Variants in PLXDC2 observed in about 807,000 individuals in gnomAD.
PLXDC2 encodes plexin domain containing 2, also known as plexin domain-containing protein 2.
A neutral mutation model predicts 68.9 loss-of-function variants in PLXDC2; 40 were observed. The ratio of observed to expected loss-of-function variants is 0.58; its 90% CI spans 0.45 to 0.76. PLXDC2 has a LOEUF of 0.76. Among genes scored for constraint, PLXDC2 ranks in the 30% least tolerant of loss-of-function variants. The pLI, the probability that PLXDC2 is intolerant of heterozygous loss-of-function variation, is 0.00. For synonymous variants in PLXDC2, 243 were observed against 234.2 expected (o/e 1.04, Z -0.34); for missense variants, 644 against 661.9 (o/e 0.97, Z 0.30).
chr10:19,996,588 AAAAC>A (rs768126613), intron 1 of PLXDC2, among the ~76,000 whole-genome samples: 17 of 151,816 alleles, frequency 1.1e-4, no homozygotes, highest in Non-Finnish European at 2.1e-4. Context: ...CCCTGTCTCT[AAAAC>A]AAACAAATAA....
At position 19,821,906 on chromosome 10, in the gene PLXDC2, A is replaced by G. The variant is rs552329370; in HGVS notation, c.112+4715A>G. On this transcript the variant is annotated intron_variant, in intron 1 of 13. Transcript: ENST00000377252. ...CTTAATCTCATATCTTTTTTCTTTT[A>G]TACATTCCTTTAAAAAAAATTCTTT... 3.3e-5 allele frequency among the ~76,000 whole-genome samples: 5 copies of G among 152,190 alleles called. No individual in the cohort carries two copies. In the South Asian group the frequency reaches 1.0e-3, roughly 32 times the overall value.
chr10:20,185,179 A>C (rs1223109120), intron 9 of PLXDC2, among the ~76,000 whole-genome samples: 1 of 151,182 alleles, frequency 6.6e-6, no homozygotes, highest in African/African-American at 2.4e-5. Context: ...AAAAAAAAAA[A>C]AAAAAAAACT....
intron 13 of PLXDC2, among the ~76,000 whole-genome samples, chr10:20,264,350 T>A (rs1175781571): frequency 6.6e-6 from 1 of 152,044 alleles, no homozygotes; most frequent in Non-Finnish European, 1.5e-5. Flanking sequence ...GCAGAAGAGA[T>A]AACTATCAGG....
intron 13 of PLXDC2, among the ~76,000 whole-genome samples, chr10:20,257,817 A>C (rs1052194435): frequency 1.3e-5 from 2 of 151,916 alleles, no homozygotes; most frequent in Non-Finnish European, 2.9e-5. Flanking sequence ...TAATTTTTTT[A>C]ATTTTTAATT....
chr10:20,184,540 A>G, intron 9 of PLXDC2, among the ~76,000 whole-genome samples: 1 of 151,852 alleles, frequency 6.6e-6, no homozygotes, highest in Non-Finnish European at 1.5e-5. Context: ...AAATTAATTA[A>G]GGGTTAAAAT....
rs1837467381 is a variant in PLXDC2 at position 19,868,672 on chromosome 10, T to C, written c.112+51481T>C. ...GAGACCACTACTAGTGTATATTCTG[T>C]TGATTTATTTTCAAAAAATTTACCC... is the stretch of plus-strand genomic sequence containing the variant. On this transcript the variant is annotated intron_variant, in intron 1 of 13. Transcript: ENST00000377252. Among the ~76,000 whole-genome samples, 3 of 152,232 alleles carry C rather than the reference T, an allele frequency of 2.0e-5. No individual in the cohort carries two copies. The South Asian group carries it at 6.2e-4, about 31-fold the overall frequency.
intron 13 of PLXDC2, among the ~76,000 whole-genome samples, chr10:20,251,391 TTAAG>T (rs1233360676): frequency 6.6e-6 from 1 of 152,170 alleles, no homozygotes; most frequent in Non-Finnish European, 1.5e-5. Flanking sequence ...GAATACATAT[TTAAG>T]TAAGCATGAA....
chr10:20,144,747 A>C (rs1834050736), intron 5 of PLXDC2, among the ~76,000 whole-genome samples: 1 of 152,088 alleles, frequency 6.6e-6, no homozygotes, highest in African/African-American at 2.4e-5. Context: ...GGAAACAATA[A>C]ATGATTTAGT....
chr10:20,225,035 G>T lies in PLXDC2; in HGVS notation c.1312+5933G>T, dbSNP rs1160761905. On this transcript the variant is annotated intron_variant, in intron 12 of 13. Transcript: ENST00000377252. ...TAAGCAGTTTGAAGATCATGTTTAA[G>T]TTAATACAGAGGTACAAATCTGCAA... Among the ~76,000 whole-genome samples the T allele has an allele frequency of 2.0e-5, 3 of 152,242 alleles. No homozygotes were observed. In the East Asian group the frequency reaches 5.8e-4, roughly 29 times the overall value.
rs79938866 is a variant in PLXDC2 at position 20,089,728 on chromosome 10, G to T, written c.541+21489G>T. Among the ~76,000 whole-genome samples the T allele has an allele frequency of 3.7e-3, 564 of 152,244 alleles. 5 individuals carry two copies. The highest frequency in any genetic ancestry group is 0.013 in the African/African-American group (527 of 41,552). On this transcript the variant is annotated intron_variant, in intron 4 of 13. Transcript: ENST00000377252. ...TTGGTCCAAGGTGAAAGACTACAAAGGAAGCATTTGTGAGAGAATAGTGCA... is the reference window on the plus strand; with the variant it reads ...TTGGTCCAAGGTGAAAGACTACAAATGAAGCATTTGTGAGAGAATAGTGCA...
intron 4 of PLXDC2, among the ~76,000 whole-genome samples, chr10:20,140,645 T>G (rs1438116921): frequency 6.6e-6 from 1 of 152,036 alleles, no homozygotes; most frequent in Non-Finnish European, 1.5e-5. Context: ...ACTACTGAAG[T>G]GATATTTTTA....
intron 10 of PLXDC2, among the ~76,000 whole-genome samples, chr10:20,214,461 C>A (rs1480611920): frequency 6.6e-6 from 1 of 152,106 alleles, no homozygotes; most frequent in Non-Finnish European, 1.5e-5. Flanking sequence ...ACTACTGCTG[C>A]AAGGCTTGTT....
chr10:20,113,762 T>G (rs1833587374), intron 4 of PLXDC2, among the ~76,000 whole-genome samples: 2 of 152,202 alleles, frequency 1.3e-5, no homozygotes, highest in South Asian at 4.1e-4. Flanking sequence ...CCCTTCTCAA[T>G]TTTTTCCTCC....
intron 2 of PLXDC2, among the ~76,000 whole-genome samples, chr10:20,037,325 C>T (rs1835594767): frequency 6.6e-6 from 1 of 151,806 alleles, no homozygotes; most frequent in African/African-American, 2.4e-5. Context: ...AACTCTGCCT[C>T]AGATTCTCTT....
rs5783703 is a variant in PLXDC2, at chr10:19,863,824, A to ATT, written c.112+46638_112+46639dup. The stretch of plus-strand genomic sequence containing the variant: ...TGTAGTCCAAAGATACTATTCAAAA[A>ATT]TTTTTTAATATCAGAGGGAAAGAGT... On this transcript the variant is annotated intron_variant, in intron 1 of 13. Coordinates refer to ENST00000377252, the MANE Select transcript of PLXDC2 (RefSeq NM_032812.9). Among the ~76,000 whole-genome samples, 7 of 151,668 alleles carry ATT rather than the reference A, an allele frequency of 4.6e-5. No individual in the cohort carries two copies. The South Asian group carries it at 1.3e-3, about 27-fold the overall frequency.
intron 9 of PLXDC2, among the ~76,000 whole-genome samples, chr10:20,211,248 AAAAT>A (rs1171454444): frequency 6.6e-6 from 1 of 152,146 alleles, no homozygotes; most frequent in Non-Finnish European, 1.5e-5. Context: ...ATGAATGAGT[AAAAT>A]GAATGAATGA....
intron 1 of PLXDC2, among the ~76,000 whole-genome samples, chr10:19,875,803 G>A (rs16919491): frequency 6.9e-4 from 105 of 152,244 alleles, no homozygotes; most frequent in African/African-American, 2.4e-3. Context: ...TAAAATACGA[G>A]CATTTGAGAA....
chr10:20,264,172 A>G (rs1483564771), intron 13 of PLXDC2, among the ~76,000 whole-genome samples: 2 of 152,218 alleles, frequency 1.3e-5, no homozygotes, highest in Non-Finnish European at 2.9e-5. Flanking sequence ...TGGGAACATG[A>G]ACGAAGCTGG....
rs546438891 is a variant in PLXDC2, at chr10:19,839,010, A to T, written c.112+21819A>T. ...AGACCAGCCTGGCCAACATGGTGAA[A>T]CCCCGTCTGTAATAAAAATACAAAA... On this transcript the variant is annotated intron_variant, in intron 1 of 13. Coordinates refer to ENST00000377252, the MANE Select transcript of PLXDC2 (RefSeq NM_032812.9). 7.9e-5 allele frequency among the ~76,000 whole-genome samples: 12 copies of T among 152,114 alleles called. No homozygotes were observed. In the South Asian group the frequency reaches 2.5e-3, roughly 32 times the overall value.
Sources: allele counts gnomAD v4.1 joint callset (sites outside exome capture counted in the v4.1 genomes callset), GRCh38; gene constraint gnomAD v4.1.1; transcripts MANE v1.5; gene names NCBI Gene and HGNC (gene_info 2026-07-23, HGNC 2026-07-21).